OCA2: variants seen among roughly 807,000 people sequenced by gnomAD.
The protein encoded by OCA2 is OCA2 melanosomal transmembrane protein, also known as P protein.
In OCA2, 77 loss-of-function variants were observed where a neutral mutation model predicts 100.2. The ratio of observed to expected loss-of-function variants is 0.77; its 90% CI spans 0.64 to 0.93. The LOEUF is 0.93. OCA2 is among the 40% of genes least tolerant of loss of function. The pLI is 0.00. For missense variants in OCA2, 1,062 were observed against 1,089.1 expected (o/e 0.98, Z 0.35); for synonymous variants, 432 against 439.2 (o/e 0.98, Z 0.21).
intron 15 of OCA2, among the ~76,000 whole-genome samples, chr15:27,961,765 AG>A (rs924469638): frequency 2.6e-5 from 4 of 151,774 alleles, no homozygotes; most frequent in African/African-American, 9.7e-5. Flanking sequence ...ACATGGACAC[AG>A]GGAGGGGATC....
intron 18 of OCA2, among the ~76,000 whole-genome samples, chr15:27,951,371 G>A (rs574632074): frequency 5.3e-4 from 81 of 152,330 alleles, no homozygotes; most frequent in African/African-American, 1.6e-3. Context: ...GGGCTCTCCC[G>A]AACAGACTGT....
intron 9 of OCA2, among the ~76,000 whole-genome samples, chr15:28,005,066 C>G (rs1033287629): frequency 3.9e-5 from 6 of 152,154 alleles, no homozygotes; most frequent in Middle Eastern, 3.2e-3. Flanking sequence ...CGCACTGCCC[C>G]TGCGAGCTGG....
chr15:27,943,024 T>C (rs148604471), intron 18 of OCA2, among the ~76,000 whole-genome samples: 146 of 152,296 alleles, frequency 9.6e-4, no homozygotes, highest in African/African-American at 3.2e-3. Context: ...AGTTTACATA[T>C]ATCAGGGCTA....
chr15:27,882,237 G>C (rs1162433622), intron 19 of OCA2, among the ~76,000 whole-genome samples: 1 of 152,026 alleles, frequency 6.6e-6, no homozygotes. Context: ...CATGAGCTCT[G>C]GCAATGTAAA....
At chr15:28,079,475 G>A (rs980811959) in intron 2 of OCA2, among the ~76,000 whole-genome samples, 4 of 152,048 alleles carry the variant, frequency 2.6e-5, no homozygotes, top group Admixed American at 1.3e-4. Context: ...GCTCACCTAG[G>A]GCCATGTGGG....
intron 19 of OCA2, among the ~76,000 whole-genome samples, chr15:27,925,746 T>C (rs961876621): frequency 6.6e-6 from 1 of 152,216 alleles, no homozygotes; most frequent in African/African-American, 2.4e-5. Flanking sequence ...TTTTCCGTGA[T>C]AACGGAAATG....
intron 23 of OCA2, among the ~76,000 whole-genome samples, chr15:27,798,363 C>A (rs893505435): frequency 2.0e-5 from 3 of 152,034 alleles, no homozygotes; most frequent in Admixed American, 2.0e-4. Flanking sequence ...CAAATTCTAC[C>A]GTAGGAGAGG....
chr15:27,872,969 C>T (rs7182615), intron 19 of OCA2, among the ~76,000 whole-genome samples: 2,391 of 152,278 alleles, frequency 0.016, 56 homozygotes, highest in African/African-American at 0.05. Context: ...GGATTACAGG[C>T]GTGAGCCAAC....
At chr15:27,719,522 A>G in the OCA2 span, among the ~76,000 whole-genome samples, 16 of 152,322 alleles carry the variant, frequency 1.1e-4, no homozygotes, top group Admixed American at 9.8e-4. Context: ...ATGCACGTAC[A>G]TGTAGGCACA....
At chr15:28,018,924 A>G (rs1379584227) in intron 6 of OCA2, among the ~76,000 whole-genome samples, 1 of 152,148 alleles carries the variant, frequency 6.6e-6, no homozygotes, top group African/African-American at 2.4e-5. Flanking sequence ...TCGTCCTATC[A>G]CACCTTTCAG....
chr15:27,914,890 G>T (rs907184465), intron 19 of OCA2, among the ~76,000 whole-genome samples: 3 of 151,964 alleles, frequency 2.0e-5, no homozygotes, highest in Non-Finnish European at 4.4e-5. Flanking sequence ...ACCAAAAAAA[G>T]AGCCCAAATA....
At chr15:27,820,632 T>A (rs891142996) in intron 23 of OCA2, among the ~76,000 whole-genome samples, 1 of 152,014 alleles carries the variant, frequency 6.6e-6, no homozygotes, top group African/African-American at 2.4e-5. Context: ...CCCGATGGGG[T>A]CCTGGAACAG....
At chr15:27,940,602 G>A (rs1266482003) in intron 18 of OCA2, among the ~76,000 whole-genome samples, 1 of 152,218 alleles carries the variant, frequency 6.6e-6, no homozygotes, top group African/African-American at 2.4e-5. Flanking sequence ...CAAGACAGCA[G>A]GGCCAGTGTT....
At chr15:27,954,271 A>C (rs1346134175) in intron 17 of OCA2, among the ~76,000 whole-genome samples, 1 of 152,146 alleles carries the variant, frequency 6.6e-6, no homozygotes, top group Non-Finnish European at 1.5e-5. Flanking sequence ...AGAGGCACAC[A>C]GTTCTCCAAC....
intron 8 of OCA2, among the ~76,000 whole-genome samples, 189 bp from the exon 9 acceptor site, chr15:28,015,118 C>A (rs1238192882): frequency 6.6e-6 from 1 of 152,174 alleles, no homozygotes; most frequent in Non-Finnish European, 1.5e-5. Flanking sequence ...TGCAGCCAAG[C>A]CCGACTGGTC....
chr15:27,871,792 T>C (rs542767990), intron 20 of OCA2, 71 bp downstream of exon 20: 33 of 1,142,726 alleles, frequency 2.9e-5, no homozygotes, highest in Non-Finnish European at 4.3e-5. Flanking sequence ...AGAGTGCTTT[T>C]TTTTTTTAAT....
chr15:27,724,680 C>G, the OCA2 span, among the ~76,000 whole-genome samples: 9 of 152,094 alleles, frequency 5.9e-5, no homozygotes, highest in Non-Finnish European at 1.2e-4. Flanking sequence ...AGTCCGGAAC[C>G]CTGACTGCTT....
At chr15:27,905,859 T>C (rs12898424) in intron 19 of OCA2, among the ~76,000 whole-genome samples, 52,645 of 152,124 alleles carry the variant, frequency 0.35, 9,467 homozygotes, top group Middle Eastern at 0.51. Flanking sequence ...AAAATAACCA[T>C]GAAGCATGTA....
At chr15:27,911,417 GAAAAGAA>G (rs1162275756) in intron 19 of OCA2, among the ~76,000 whole-genome samples, 6 of 151,900 alleles carry the variant, frequency 3.9e-5, no homozygotes, top group Admixed American at 3.3e-4. Flanking sequence ...GTCTCAAGAA[GAAAAGAA>G]AAAAGAAAAG....
Sources: gnomAD v4.1 joint callset for allele counts (sites outside exome capture counted in the v4.1 genomes callset) on GRCh38, gnomAD v4.1.1 for gene constraint, MANE v1.5 for transcripts, NCBI Gene and HGNC (gene_info 2026-07-23, HGNC 2026-07-21) for gene names.